The following C5 variants were observed in gnomAD, a reference collection of about 807,000 sequenced individuals.
The protein encoded by C5 is complement C5, also known as C3 and PZP-like alpha-2-macroglobulin domain-containing protein 4.
A neutral mutation model predicts 218.8 loss-of-function variants in C5; 140 were observed. The observed-to-expected ratio is 0.64, with a 90% CI of 0.56 to 0.74. The LOEUF is 0.74. C5 is among the 30% of genes least tolerant of loss of function. The pLI, the probability that C5 is intolerant of heterozygous loss-of-function variation, is 0.00. For missense variants in C5, 1,700 were observed against 1,969.6 expected (o/e 0.86, Z 2.59); for synonymous variants, 614 against 682.3 (o/e 0.90, Z 1.56).
intron 7 of C5, among the ~76,000 whole-genome samples, chr9:121,028,706 C>T (rs193009454): frequency 7.2e-4 from 108 of 150,834 alleles, no homozygotes; most frequent in Non-Finnish European, 1.3e-3. Context: ...GGGTGGGGGA[C>T]GGGGAGGGAT....
At chr9:121,027,515 A>G (rs1269544073) in intron 7 of C5, among the ~76,000 whole-genome samples, 1 of 152,238 alleles carries the variant, frequency 6.6e-6, no homozygotes, top group Non-Finnish European at 1.5e-5. Flanking sequence ...AATGGAACAG[A>G]ACAGAGGCCT....
Position 121,022,652 on chromosome 9 carries a change from T to A in C5, c.1116+752A>T, listed in dbSNP as rs968911772. On this transcript the variant is annotated intron_variant, in intron 10 of 40. Transcript: ENST00000223642. ...ATTTTCAAAGAACAAAAAAAAATTT[T>A]GCTCTGGATTTCTAAATTAAGGGCA... Among the ~76,000 whole-genome samples the A allele has an allele frequency of 1.3e-3, 193 of 150,086 alleles. 2 individuals are homozygous for A. The highest frequency in any genetic ancestry group is 4.0e-3 in the African/African-American group (164 of 41,246).
chr9:121,021,228 T>G (rs2047362560), intron 11 of C5, among the ~76,000 whole-genome samples: 2 of 152,186 alleles, frequency 1.3e-5, no homozygotes, highest in Non-Finnish European at 2.9e-5. Context: ...TCATGTGCAC[T>G]GCTATACCTA....
At chr9:121,015,849 T>C (rs1253182119) in intron 15 of C5, among the ~76,000 whole-genome samples, 1 of 152,184 alleles carries the variant, frequency 6.6e-6, no homozygotes, top group Non-Finnish European at 1.5e-5. Context: ...GAATTATAAA[T>C]TCTATGTGGG....
rs1228097352 is a variant in C5, at chr9:121,002,322, A to G, written c.2562+3597T>C. Among the ~76,000 whole-genome samples the G allele has an allele frequency of 9.5e-3, 674 of 71,194 alleles. 8 individuals are homozygous for G. The highest frequency in any genetic ancestry group is 0.031 in the South Asian group (41 of 1,344). The allele number at this position is 71,194 out of a possible 152,430, so 46.7% of individuals were successfully genotyped here. ...TGTATATATATATGTGTGTGTATAT[A>G]TATATATATATATATATATACACAC... On this transcript the variant is annotated intron_variant, in intron 20 of 40. Transcript: ENST00000223642.
In C5 at chr9:121,037,932, C is replaced by A; in HGVS notation, c.441G>T (p.Ser147=). The part of the protein sequence containing the change: ...PDQSVKVRVY[S]LNDDLKPAKR... Reference sequence around the variant, plus strand: ...TGGCTGGCTTCAAGTCGTCATTCAACGAATAAACTCTAACTTTTACTGTAA... The same window carrying A: ...TGGCTGGCTTCAAGTCGTCATTCAAAGAATAAACTCTAACTTTTACTGTAA... The change falls in exon 4 of 41, where the codon TCG becomes TCT. Residue 147 remains serine (S), a synonymous_variant. Transcript: ENST00000223642. The A allele has an allele frequency of 3.3e-6, 5 of 1,516,628 alleles. No homozygotes were observed. The highest frequency in any genetic ancestry group is 1.4e-5 in the African/African-American group (1 of 72,676). The allele number at this position is 1,516,628 out of a possible 1,614,324, so 93.9% of individuals were successfully genotyped here. A position where few individuals can be genotyped will look rare whatever the true frequency, so the allele number is the denominator to read the frequency against.
chr9:121,054,617 T>A (rs2047689471), upstream of C5, among the ~76,000 whole-genome samples: 2 of 152,238 alleles, frequency 1.3e-5, no homozygotes, highest in South Asian at 2.1e-4. Flanking sequence ...AATAAATAAA[T>A]AAAAATAAAC....
intron 27 of C5, 96 bp downstream of exon 27, chr9:120,981,748 A>C: frequency 1.3e-6 from 1 of 789,438 alleles, no homozygotes; most frequent in Non-Finnish European, 2.2e-6. Flanking sequence ...GAAGGAAAAG[A>C]AGCTTTTGAA....
At chr9:120,962,280 T>C (rs563864988) in intron 36 of C5, among the ~76,000 whole-genome samples, 46 of 152,354 alleles carry the variant, frequency 3.0e-4, no homozygotes, top group African/African-American at 1.0e-3. Flanking sequence ...ATAATAGAGC[T>C]ATCTGCAAAG....
In C5 at chr9:121,013,961, T is replaced by G. The variant is rs199578595; in HGVS notation, c.2169A>C (p.Arg723Ser). ...AACATTCAGTGAAAGCTTTGATGCA[T>G]CTTGGCCCTAAACTAATCCGTGCAG... ...QRAARISLGP[R>S]CIKAFTECCV... Residue 723 changes from arginine (R) to serine (S), a missense_variant, in exon 17 of 41, where the codon AGA (arginine) becomes AGC (serine). Coordinates refer to ENST00000223642, the MANE Select transcript of C5 (RefSeq NM_001735.3). 7 of 1,614,202 alleles carry G rather than the reference T, an allele frequency of 4.3e-6. 1 individual carries two copies. In the East Asian group the frequency reaches 1.3e-4, roughly 31 times the overall value.
chr9:121,025,330 T>C, intron 9 of C5, 124 bp downstream of exon 9: 1 of 1,108,414 alleles, frequency 9.0e-7, no homozygotes, highest in Non-Finnish European at 1.2e-6. Context: ...TATTTAACTA[T>C]GAAAGAAAAT....
chr9:121,020,164 G>C lies in C5; in HGVS notation c.1318C>G (p.Pro440Ala), dbSNP rs1185326400. The C allele has an allele frequency of 6.2e-7, 1 of 1,613,784 alleles. No homozygotes were observed. Among genetic ancestry groups the C allele is most frequent in the East Asian group, 2.2e-5 (1 of 44,884 alleles). ...GCCTGATTTTCTTCTGGAAGATCTGGAGCATCAGTTTTGACCTGAAAAGAG... is the reference window on the plus strand; with the variant it reads ...GCCTGATTTTCTTCTGGAAGATCTGCAGCATCAGTTTTGACCTGAAAAGAG... Reference protein sequence around the residue: ...VLEFNVKTDAPDLPEENQARE... With the variant: ...VLEFNVKTDAADLPEENQARE... The change falls in exon 12 of 41, where the codon CCA becomes GCA. Residue 440 changes from proline to alanine, a missense_variant. By Grantham distance (27) the Pro-to-Ala change is conservative. Transcript: ENST00000223642.
At chr9:121,062,763 T>C in the C5 span, among the ~76,000 whole-genome samples, 1 of 152,220 alleles carries the variant, frequency 6.6e-6, no homozygotes, top group Non-Finnish European at 1.5e-5. Context: ...TGACAGTCTT[T>C]TTCTTTCAGC....
chr9:121,016,045 C>T (rs748387385), intron 15 of C5, among the ~76,000 whole-genome samples: 1 of 152,106 alleles, frequency 6.6e-6, no homozygotes, highest in Non-Finnish European at 1.5e-5. Flanking sequence ...TGGAGAGAGC[C>T]AGGGCGAAGA....
At chr9:121,038,071 C>A in intron 3 of C5, 120 bp from the exon 4 acceptor site, 1 of 538,074 alleles carries the variant, frequency 1.9e-6, no homozygotes, top group Middle Eastern at 5.0e-4. Flanking sequence ...CACAAAAGTC[C>A]ATATTTGAAA....
chr9:121,017,928 C>G, intron 12 of C5, 76 bp from the exon 13 acceptor site: 1 of 916,994 alleles, frequency 1.1e-6, no homozygotes, highest in Non-Finnish European at 1.8e-6. Flanking sequence ...TAGGATGCAG[C>G]CTGGAGCTGG....
rs2047056002 is a variant in C5 at position 120,989,087 on chromosome 9, G to A, written c.3189C>T (p.Asp1063=). The part of the protein sequence containing the change: ...MLSIMSYRNA[D]YSYSVWKGGS... ...CACCCTTCCACACACTGTAAGAGTA[G>A]TCAGCATTTCTGTAGGACATAATGC... is the stretch of plus-strand genomic sequence containing the variant. The change falls in exon 25 of 41, where the codon GAC becomes GAT. Residue 1063 remains aspartate (D), a synonymous_variant. Coordinates refer to ENST00000223642, the MANE Select transcript of C5 (RefSeq NM_001735.3). The A allele has an allele frequency of 3.7e-6, 6 of 1,613,942 alleles. No individual in the cohort carries two copies. Among genetic ancestry groups the A allele is most frequent in the Non-Finnish European group, 5.1e-6 (6 of 1,179,830 alleles).
At chr9:121,036,480 T>C (rs1039932963) in intron 4 of C5, among the ~76,000 whole-genome samples, 6 of 152,210 alleles carry the variant, frequency 3.9e-5, no homozygotes, top group Non-Finnish European at 7.4e-5. Context: ...ACCCCTATCA[T>C]TCCCTGATAG....
chr9:121,052,444 T>C (rs866633192), upstream of C5, among the ~76,000 whole-genome samples: 3 of 129,216 alleles, frequency 2.3e-5, no homozygotes, highest in African/African-American at 9.1e-5. Context: ...AGAGCCAGAC[T>C]CCATCTCAGA....
Sources: gnomAD v4.1 joint callset for allele counts (sites outside exome capture counted in the v4.1 genomes callset) on GRCh38, gnomAD v4.1.1 for gene constraint, MANE v1.5 for transcripts, NCBI Gene and HGNC (gene_info 2026-07-23, HGNC 2026-07-21) for gene names.